REC114: variants seen among roughly 807,000 people sequenced by gnomAD.
REC114 encodes the protein meiotic recombination protein REC114.
In REC114, 27 loss-of-function variants were observed where a neutral mutation model predicts 31.3. The observed-to-expected ratio is 0.86, with a 90% confidence interval of 0.64 to 1.19. REC114 has a LOEUF of 1.19. REC114 is among the 50% of genes most tolerant of loss of function. The pLI is 0.00. For missense variants in REC114, 344 were observed against 326.9 expected (o/e 1.05, Z -0.40); for synonymous variants, 134 against 127.7 (o/e 1.05, Z -0.33).
chr15:73,452,795 A>G (rs948261802), intron 1 of REC114, among the ~76,000 whole-genome samples: 5 of 152,324 alleles, frequency 3.3e-5, no homozygotes, highest in African/African-American at 1.2e-4. Flanking sequence ...ATATAGACCA[A>G]TGGAACAGAA....
chr15:73,471,641 A>G (rs1038471949), intron 1 of REC114, among the ~76,000 whole-genome samples: 2 of 152,112 alleles, frequency 1.3e-5, no homozygotes, highest in Non-Finnish European at 2.9e-5. Context: ...GTTGTTGGCT[A>G]TGATTTGAAA....
At chr15:73,498,214 T>A (rs1893555188) in intron 2 of REC114, among the ~76,000 whole-genome samples, 1 of 152,094 alleles carries the variant, frequency 6.6e-6, no homozygotes, top group South Asian at 2.1e-4. Context: ...ATGACAATAC[T>A]GTGTACAGAA....
chr15:73,525,780 T>C (rs1893998059), intron 2 of REC114, among the ~76,000 whole-genome samples: 1 of 152,302 alleles, frequency 6.6e-6, no homozygotes, highest in East Asian at 1.9e-4. Context: ...TCTTTTTGAA[T>C]GTTTTGTGTG....
chr15:73,473,876 A>G lies in REC114; in HGVS notation c.204A>G (p.Ile68Met), dbSNP rs775770032. The change falls in exon 2 of 6, where the codon ATA becomes ATG. Residue 68 changes from isoleucine to methionine, a missense_variant. Physicochemically the swap from Ile to Met is conservative, Grantham distance 10. Transcript: ENST00000331090. ...NEESGYLVLT[I>M]VISGHFFIFQ... ...AATCTGGATATCTTGTTCTCACCATAGTTATATCAGGTCATTTCTTCATTT... is the reference window on the plus strand; with the variant it reads ...AATCTGGATATCTTGTTCTCACCATGGTTATATCAGGTCATTTCTTCATTT... 3.8e-6 allele frequency: 6 copies of G among 1,588,790 alleles called. No individual in the cohort carries two copies. The South Asian group carries it at 6.8e-5, about 18-fold the overall frequency.
At chr15:73,551,400 C>A (rs925037660) in intron 4 of REC114, among the ~76,000 whole-genome samples, 14 of 152,072 alleles carry the variant, frequency 9.2e-5, no homozygotes, top group African/African-American at 2.7e-4. Context: ...GTCCACGAAC[C>A]CCTCCCTAGG....
At chr15:73,556,479 A>G in intron 5 of REC114, 88 bp downstream of exon 5, 3 of 1,119,048 alleles carry the variant, frequency 2.7e-6, no homozygotes, top group Non-Finnish European at 3.8e-6. Flanking sequence ...TCTTTGTTTT[A>G]GGAGAGAAAC....
At chr15:73,543,409 T>C (rs763641980) in intron 3 of REC114, among the ~76,000 whole-genome samples, 1 of 152,170 alleles carries the variant, frequency 6.6e-6, no homozygotes, top group Non-Finnish European at 1.5e-5. Context: ...CTCAGCTCAC[T>C]GCAACCTCCT....
At chr15:73,540,693 G>T (rs1255061260) in intron 3 of REC114, 125 bp downstream of exon 3, 1 of 821,606 alleles carries the variant, frequency 1.2e-6, no homozygotes, top group Non-Finnish European at 2.0e-6. Flanking sequence ...AGAAAGGTTT[G>T]TACTATGAGA....
intron 2 of REC114, among the ~76,000 whole-genome samples, chr15:73,496,636 C>A (rs941840733): frequency 1.4e-5 from 2 of 143,788 alleles, no homozygotes; most frequent in Non-Finnish European, 3.0e-5. Flanking sequence ...CTGGATGACA[C>A]GGTGAGACTC....
At chr15:73,479,455 ATCTAT>A (rs1893262936) in intron 2 of REC114, among the ~76,000 whole-genome samples, 3 of 152,144 alleles carry the variant, frequency 2.0e-5, no homozygotes, top group South Asian at 4.1e-4. Flanking sequence ...AATATTTAAG[ATCTAT>A]TCTAGCAGAT....
At chr15:73,500,896 C>T (rs1183130666) in intron 2 of REC114, among the ~76,000 whole-genome samples, 1 of 152,012 alleles carries the variant, frequency 6.6e-6, no homozygotes, top group Non-Finnish European at 1.5e-5. Context: ...AGAACCTCTG[C>T]CCCCAGGATA....
chr15:73,467,630 G>T (rs1398767799), intron 1 of REC114, among the ~76,000 whole-genome samples: 1 of 152,174 alleles, frequency 6.6e-6, no homozygotes, highest in Non-Finnish European at 1.5e-5. Context: ...TTAACTCACT[G>T]ACTTAAATGC....
At chr15:73,475,689 T>A (rs1047481828) in intron 2 of REC114, among the ~76,000 whole-genome samples, 2 of 152,154 alleles carry the variant, frequency 1.3e-5, no homozygotes, top group African/African-American at 2.4e-5. Flanking sequence ...AGATACTTTT[T>A]AAAATAAATT....
intron 2 of REC114, among the ~76,000 whole-genome samples, chr15:73,515,223 G>A (rs1326257670): frequency 2.0e-5 from 3 of 152,090 alleles, no homozygotes; most frequent in East Asian, 1.9e-4. Context: ...GAGCCACCAT[G>A]CCTAGCCAGA....
At chr15:73,513,502 T>C (rs1354409386) in intron 2 of REC114, among the ~76,000 whole-genome samples, 1 of 149,070 alleles carries the variant, frequency 6.7e-6, no homozygotes, top group Non-Finnish European at 1.5e-5. Context: ...CTGCGTTCCT[T>C]TGGAGGAGGA....
At chr15:73,541,979 G>A (rs1453840071) in intron 3 of REC114, among the ~76,000 whole-genome samples, 1 of 152,032 alleles carries the variant, frequency 6.6e-6, no homozygotes, top group Non-Finnish European at 1.5e-5. Context: ...TCAGATGCAT[G>A]TAAGAGAAAA....
intron 1 of REC114, among the ~76,000 whole-genome samples, chr15:73,454,115 A>G (rs1162491173): frequency 6.6e-6 from 1 of 152,178 alleles, no homozygotes; most frequent in Non-Finnish European, 1.5e-5. Flanking sequence ...CTTAAAGTAT[A>G]ATAAAGAAAA....
intron 2 of REC114, among the ~76,000 whole-genome samples, chr15:73,484,270 G>A (rs1360198182): frequency 6.6e-6 from 1 of 152,078 alleles, no homozygotes; most frequent in Non-Finnish European, 1.5e-5. Context: ...GGACTAGAAA[G>A]TGTGGCTTTT....
At chr15:73,501,495 A>G (rs1044280178) in intron 2 of REC114, among the ~76,000 whole-genome samples, 1 of 152,190 alleles carries the variant, frequency 6.6e-6, no homozygotes, top group Non-Finnish European at 1.5e-5. Flanking sequence ...CCCAGGCTGG[A>G]GTGCAGTGGC....
Sources: gnomAD v4.1 joint callset for allele counts (sites outside exome capture counted in the v4.1 genomes callset) on GRCh38, gnomAD v4.1.1 for gene constraint, MANE v1.5 for transcripts, NCBI Gene and HGNC (gene_info 2026-07-23, HGNC 2026-07-21) for gene names.